PDE1A: variants seen among roughly 807,000 people sequenced by gnomAD.
The protein encoded by PDE1A is dual specificity calcium/calmodulin-dependent 3',5'-cyclic nucleotide phosphodiesterase 1A.
PDE1A carries 35 observed loss-of-function variants against 61.7 expected under a neutral mutation model. The ratio of observed to expected loss-of-function variants is 0.57; its 90% CI spans 0.43 to 0.75. The LOEUF (loss-of-function observed/expected upper bound fraction) is 0.75, where lower values mean the gene tolerates loss of function less well. Ranked by LOEUF, PDE1A falls within the 30% of genes least tolerant of loss-of-function variation. PDE1A has a pLI of 0.00. For synonymous variants in PDE1A, 232 were observed against 213.2 expected, an observed-to-expected ratio of 1.09 and a Z score of -0.77; for missense variants, 597 against 630.6, an observed-to-expected ratio of 0.95 and a Z score of 0.57.
intron 1 of PDE1A, among the ~76,000 whole-genome samples, chr2:182,291,024 T>C (rs1393748208): frequency 6.6e-6 from 1 of 152,082 alleles, no homozygotes; most frequent in African/African-American, 2.4e-5. Context: ...AGTTATACAT[T>C]AAATGCCACT....
At chr2:182,526,859 A>G (rs1038211382), upstream of PDE1A, among the ~76,000 whole-genome samples, 1 of 152,226 alleles carries the variant, frequency 6.6e-6, no homozygotes, top group Non-Finnish European at 1.5e-5. Context: ...AGTAAGAGTC[A>G]CTAGACAAAA....
chr2:182,176,458 G>A (rs1226356249), intron 13 of PDE1A, among the ~76,000 whole-genome samples: 7 of 141,096 alleles, frequency 5.0e-5, no homozygotes, highest in Non-Finnish European at 9.1e-5. Flanking sequence ...TTGTGAATGG[G>A]AGTTCACTCA....
the PDE1A span, among the ~76,000 whole-genome samples, chr2:182,597,184 T>C: frequency 1.3e-5 from 2 of 151,948 alleles, no homozygotes; most frequent in Non-Finnish European, 2.9e-5. Context: ...TTTTTTTAAA[T>C]CTAAACACAT....
Position 182,183,019 on chromosome 2 carries a change from G to A in PDE1A, c.1516+2873C>T, listed in dbSNP as rs570517306. ...GAATTCAGCATTAGGGACACCCCTA[G>A]TTTCTATATAGTAGCCCTATAACCC... On this transcript the variant is annotated intron_variant, in intron 13 of 13. Transcript: ENST00000351439. Among the ~76,000 whole-genome samples the A allele has an allele frequency of 7.7e-4, 117 of 152,146 alleles. 1 individual carries two copies. Among genetic ancestry groups the A allele is most frequent in the South Asian group, 2.5e-3 (12 of 4,832 alleles).
At chr2:182,483,399 G>T (rs1419085254) in intron 2 of PDE1A, among the ~76,000 whole-genome samples, 2 of 151,738 alleles carry the variant, frequency 1.3e-5, no homozygotes, top group Admixed American at 6.6e-5. Flanking sequence ...CACAATATAT[G>T]CTAAACCAAA....
At chr2:182,445,230 A>G (rs1685057075) in intron 2 of PDE1A, among the ~76,000 whole-genome samples, 1 of 152,174 alleles carries the variant, frequency 6.6e-6, no homozygotes, top group Admixed American at 6.5e-5. Context: ...AAAGACAATG[A>G]GGAATTATAA....
chr2:182,450,933 T>G (rs1226534617), intron 2 of PDE1A, among the ~76,000 whole-genome samples: 14 of 152,282 alleles, frequency 9.2e-5, no homozygotes, highest in African/African-American at 3.4e-4. Flanking sequence ...ATATACAAGT[T>G]CTTTCCTTCT....
intron 1 of PDE1A, among the ~76,000 whole-genome samples, chr2:182,303,016 A>G (rs1302602550): frequency 1.3e-5 from 2 of 152,194 alleles, no homozygotes; most frequent in African/African-American, 4.8e-5. Context: ...TTCTCTTACT[A>G]TTTCTACAAC....
At chr2:182,276,844 G>A (rs1693450698) in intron 1 of PDE1A, among the ~76,000 whole-genome samples, 1 of 151,966 alleles carries the variant, frequency 6.6e-6, no homozygotes, top group African/African-American at 2.4e-5. Flanking sequence ...ATAAACAGCT[G>A]CTCTAGGAGT....
At chr2:182,404,367 G>A (rs1702187597) in intron 1 of PDE1A, among the ~76,000 whole-genome samples, 1 of 152,140 alleles carries the variant, frequency 6.6e-6, no homozygotes, top group Non-Finnish European at 1.5e-5. Flanking sequence ...ACATCAAAAA[G>A]GAGAACAGAA....
At chr2:182,163,606 C>T (rs573399508), downstream of PDE1A, among the ~76,000 whole-genome samples, 1 of 152,104 alleles carries the variant, frequency 6.6e-6, no homozygotes, top group Non-Finnish European at 1.5e-5. Context: ...TGGTGCAGGG[C>T]CTGTGGAGAT....
chr2:182,462,060 C>A (rs568393555), intron 2 of PDE1A, among the ~76,000 whole-genome samples: 3 of 151,706 alleles, frequency 2.0e-5, no homozygotes, highest in South Asian at 2.1e-4. Flanking sequence ...AGCAAACTAT[C>A]GCAAGAATAA....
At chr2:182,373,085 C>T (rs1257649492) in intron 1 of PDE1A, among the ~76,000 whole-genome samples, 1 of 152,186 alleles carries the variant, frequency 6.6e-6, no homozygotes, top group Non-Finnish European at 1.5e-5. Context: ...CCAGTTCTTA[C>T]CTGTGGTTGT....
intron 13 of PDE1A, among the ~76,000 whole-genome samples, chr2:182,159,275 C>G (rs980424741): frequency 3.3e-5 from 5 of 152,124 alleles, no homozygotes; most frequent in African/African-American, 1.2e-4. Context: ...GAATCCTTAA[C>G]AGAAAGTATT....
At chr2:182,364,554 A>ATAGCTCTG (rs909891802) in intron 1 of PDE1A, among the ~76,000 whole-genome samples, 8 of 149,970 alleles carry the variant, frequency 5.3e-5, no homozygotes, top group Non-Finnish European at 7.4e-5. Flanking sequence ...AAGCTAGTAC[A>ATAGCTCTG]TAGCTCTGAC....
chr2:182,617,651 C>T, the PDE1A span, among the ~76,000 whole-genome samples: 1 of 152,312 alleles, frequency 6.6e-6, no homozygotes, highest in Non-Finnish European at 1.5e-5. Flanking sequence ...CAGATGGCCT[C>T]CTCTCTGAAG....
chr2:182,517,021 C>T (rs1303928239), intron 2 of PDE1A, among the ~76,000 whole-genome samples: 2 of 152,080 alleles, frequency 1.3e-5, no homozygotes, highest in Non-Finnish European at 1.5e-5. Flanking sequence ...GGGATTAAGA[C>T]GTGGACATTT....
intron 1 of PDE1A, among the ~76,000 whole-genome samples, chr2:182,347,848 T>A (rs1698610168): frequency 6.6e-6 from 1 of 152,028 alleles, no homozygotes; most frequent in Non-Finnish European, 1.5e-5. Context: ...AATAGCTTCA[T>A]GAAGGAGGAG....
At chr2:182,666,741 T>A in the PDE1A span, among the ~76,000 whole-genome samples, 24 of 152,296 alleles carry the variant, frequency 1.6e-4, no homozygotes, top group African/African-American at 5.5e-4. Flanking sequence ...GGGAAGAAAT[T>A]ACCAGCTAAC....
Sources: gnomAD v4.1 joint callset for allele counts (sites outside exome capture counted in the v4.1 genomes callset) on GRCh38, gnomAD v4.1.1 for gene constraint, MANE v1.5 for transcripts, NCBI Gene and HGNC (gene_info 2026-07-23, HGNC 2026-07-21) for gene names.